ADGRL3: variants seen among roughly 807,000 people sequenced by gnomAD.
ADGRL3 encodes the protein calcium-independent alpha-latrotoxin receptor 3.
A neutral mutation model predicts 153.5 loss-of-function variants in ADGRL3; 62 were observed. That is an observed-to-expected ratio of 0.40 (90% CI 0.33 to 0.50). The LOEUF is 0.50. Among genes scored for constraint, ADGRL3 ranks in the 20% least tolerant of loss-of-function variants. The probability of loss-of-function intolerance (pLI) is 0.47; values close to 1 mark genes in which losing one functional copy is unlikely to be tolerated. For synonymous variants in ADGRL3, 710 were observed against 672.5 expected (o/e 1.06, Z -0.86); for missense variants, 1,641 against 1,859.4 (o/e 0.88, Z 2.16).
chr4:61,939,401 A>C (rs1332568862), intron 15 of ADGRL3, among the ~76,000 whole-genome samples: 1 of 151,888 alleles, frequency 6.6e-6, no homozygotes, highest in Non-Finnish European at 1.5e-5. Flanking sequence ...CAGTCTTCTT[A>C]TTCCTCTCCT....
intron 1 of ADGRL3, among the ~76,000 whole-genome samples, chr4:61,310,550 A>T (rs1031726419): frequency 4.6e-5 from 7 of 152,144 alleles, no homozygotes; most frequent in Non-Finnish European, 1.0e-4. Flanking sequence ...GGTGCGTTCA[A>T]AGAGAATATT....
chr4:61,259,788 A>C (rs2092363170), intron 1 of ADGRL3, among the ~76,000 whole-genome samples: 1 of 152,130 alleles, frequency 6.6e-6, no homozygotes, highest in African/African-American at 2.4e-5. Flanking sequence ...TTTCATTGGA[A>C]ATCTTTGACA....
intron 1 of ADGRL3, among the ~76,000 whole-genome samples, chr4:61,339,159 C>T (rs1165785151): frequency 6.6e-6 from 1 of 152,136 alleles, no homozygotes; most frequent in Admixed American, 6.6e-5. Context: ...TGCTTGACTT[C>T]TCAGTACTTT....
At chr4:61,664,654 A>G (rs2094719844) in intron 5 of ADGRL3, among the ~76,000 whole-genome samples, 2 of 152,194 alleles carry the variant, frequency 1.3e-5, no homozygotes, top group Non-Finnish European at 2.9e-5. Context: ...TAATCAGACT[A>G]TACACTAAAA....
intron 1 of ADGRL3, among the ~76,000 whole-genome samples, chr4:61,313,126 T>C (rs1270948403): frequency 1.3e-5 from 2 of 152,190 alleles, no homozygotes; most frequent in East Asian, 1.9e-4. Flanking sequence ...GAATCTTACA[T>C]TGCTTAGTGA....
intron 5 of ADGRL3, among the ~76,000 whole-genome samples, chr4:61,620,220 A>C (rs1383792843): frequency 6.6e-6 from 1 of 152,170 alleles, no homozygotes; most frequent in Non-Finnish European, 1.5e-5. Context: ...TAAAATGACA[A>C]TGAAGAGATT....
intron 21 of ADGRL3, among the ~76,000 whole-genome samples, chr4:62,025,807 C>A (rs1718202586): frequency 6.6e-6 from 1 of 152,046 alleles, no homozygotes; most frequent in South Asian, 2.1e-4. Context: ...AAATATACTC[C>A]AGTAAAATTG....
At chr4:62,047,875 C>T (rs147802774) in intron 25 of ADGRL3, among the ~76,000 whole-genome samples, 20 of 152,192 alleles carry the variant, frequency 1.3e-4, no homozygotes, top group Middle Eastern at 3.4e-3. Context: ...TTAACTTTAG[C>T]GATCCAACTA....
chr4:61,667,063 G>A (rs1321553933), intron 5 of ADGRL3, among the ~76,000 whole-genome samples: 2 of 151,992 alleles, frequency 1.3e-5, no homozygotes, highest in African/African-American at 2.4e-5. Context: ...TGGATGCATC[G>A]TTCTATGAAT....
At chr4:61,770,118 G>A (rs570481905) in intron 8 of ADGRL3, among the ~76,000 whole-genome samples, 17 of 152,164 alleles carry the variant, frequency 1.1e-4, no homozygotes, top group Non-Finnish European at 2.1e-4. Context: ...TCAGTAAAAC[G>A]TATTAGTAAA....
At chr4:61,744,657 A>G (rs566016499) in intron 8 of ADGRL3, among the ~76,000 whole-genome samples, 1 of 152,340 alleles carries the variant, frequency 6.6e-6, no homozygotes, top group South Asian at 2.1e-4. Context: ...TGAGGGTCCT[A>G]TCTGTTAGAA....
At chr4:61,918,936 CAAG>C in intron 13 of ADGRL3, among the ~76,000 whole-genome samples, 1 of 152,136 alleles carries the variant, frequency 6.6e-6, no homozygotes, top group Non-Finnish European at 1.5e-5. Context: ...GTGCATAAGA[CAAG>C]AAGGATTCTA....
intron 13 of ADGRL3, among the ~76,000 whole-genome samples, chr4:61,918,437 GT>G (rs2098754144): frequency 6.6e-6 from 1 of 152,142 alleles, no homozygotes; most frequent in South Asian, 2.1e-4. Context: ...ATTTGGTAGT[GT>G]TTTACTTAGA....
chr4:61,574,569 A>G (rs2098857497), intron 4 of ADGRL3, among the ~76,000 whole-genome samples: 3 of 151,890 alleles, frequency 2.0e-5, no homozygotes, highest in African/African-American at 2.4e-5. Flanking sequence ...AATCTTGGAG[A>G]TACTAGAGCA....
intron 9 of ADGRL3, among the ~76,000 whole-genome samples, chr4:61,891,554 A>C (rs557160409): frequency 1.7e-4 from 26 of 152,294 alleles, no homozygotes; most frequent in African/African-American, 6.0e-4. Flanking sequence ...CTTTATATAC[A>C]CCAAATACAT....
At chr4:61,271,784 G>C (rs79916503) in intron 1 of ADGRL3, among the ~76,000 whole-genome samples, 3,170 of 152,082 alleles carry the variant, frequency 0.021, 97 homozygotes, top group African/African-American at 0.069. Context: ...TAGATGTCAT[G>C]AACATCTCTA....
intron 6 of ADGRL3, among the ~76,000 whole-genome samples, chr4:61,710,853 T>G (rs2095963616): frequency 6.6e-6 from 1 of 152,198 alleles, no homozygotes; most frequent in African/African-American, 2.4e-5. Context: ...TATTGATTTT[T>G]TTTGTTTGTT....
intron 1 of ADGRL3, among the ~76,000 whole-genome samples, chr4:61,370,208 G>A (rs1480368451): frequency 6.6e-6 from 1 of 151,452 alleles, no homozygotes; most frequent in Non-Finnish European, 1.5e-5. Flanking sequence ...TTTTTGAAGG[G>A]TTTTTTGTGT....
At chr4:62,054,843 C>G (rs1736156877) in intron 25 of ADGRL3, among the ~76,000 whole-genome samples, 1 of 151,562 alleles carries the variant, frequency 6.6e-6, no homozygotes, top group Non-Finnish European at 1.5e-5. Context: ...AAAAAAGAAA[C>G]CCTTATAGCG....
Sources: gnomAD v4.1 joint callset for allele counts (sites outside exome capture counted in the v4.1 genomes callset) on GRCh38, gnomAD v4.1.1 for gene constraint, MANE v1.5 for transcripts, NCBI Gene and HGNC (gene_info 2026-07-23, HGNC 2026-07-21) for gene names.